RAD51AP2: variants seen among roughly 807,000 people sequenced by gnomAD.
RAD51AP2 encodes the protein RAD51 associated protein 2.
In RAD51AP2, 67 loss-of-function variants were observed where a neutral mutation model predicts 85.5. That is an observed-to-expected ratio of 0.78 (90% CI 0.64 to 0.96). The LOEUF (loss-of-function observed/expected upper bound fraction) is 0.96, where lower values mean the gene tolerates loss of function less well. Among genes scored for constraint, RAD51AP2 ranks in the 40% least tolerant of loss-of-function variants. The probability of loss-of-function intolerance (pLI) is 0.00; values close to 1 mark genes in which losing one functional copy is unlikely to be tolerated. For missense variants in RAD51AP2, 1,307 were observed against 1,332.4 expected (o/e 0.98, Z 0.30); for synonymous variants, 474 against 446.5 (o/e 1.06, Z -0.78).
At chr2:17,513,888 T>C (rs1474225216) in intron 2 of RAD51AP2, 124 bp downstream of exon 2, 1 of 624,482 alleles carries the variant, frequency 1.6e-6, no homozygotes, top group Admixed American at 3.1e-5. Flanking sequence ...TTAATGCTCT[T>C]AAAAGGTGCT....
the RAD51AP2 span, among the ~76,000 whole-genome samples, chr2:17,537,355 A>G: frequency 5.3e-4 from 80 of 152,290 alleles, 1 homozygote; most frequent in African/African-American, 1.8e-3. Flanking sequence ...CTTACGTAAT[A>G]TAATTATCTT....
chr2:17,516,403 A>C lies in RAD51AP2; in HGVS notation c.2013T>G (p.Ser671Arg). Residue 671 changes from serine (S) to arginine (R), a missense_variant, in exon 1 of 3, where the codon AGT (serine) becomes AGG (arginine). Around this residue, in one of 3 missense-constraint regions of RAD51AP2, gnomAD observed 668 missense variants for 671.0 expected, o/e 1.00. Coordinates refer to ENST00000399080, the MANE Select transcript of RAD51AP2 (RefSeq NM_001099218.3). ...GAAAACCTGTATTTTGAGTTGTCAT[A>C]CTGAAGGAATTAATGAGTTTTTTCT... ...KSKKKLINSF[S>R]MTTQNTGFPI... is the part of the protein sequence containing the mutation. 6.2e-7 allele frequency: 1 copy of C among 1,607,676 alleles called. No individual in the cohort carries two copies. Among genetic ancestry groups the C allele is most frequent in the Admixed American group, 1.7e-5 (1 of 58,794 alleles).
Position 17,516,073 on chromosome 2 carries a change from G to A in RAD51AP2, c.2343C>T (p.His781=). 6 of 1,613,312 alleles carry A rather than the reference G, an allele frequency of 3.7e-6. No individual in the cohort carries two copies. Among genetic ancestry groups the A allele is most frequent in the Non-Finnish European group, 5.1e-6 (6 of 1,179,662 alleles). The part of the protein sequence containing the change: ...HNKISNFDCE[H]IFEDLCNVRQ... ...TAACATTGCAGAGATCTTCAAATAT[G>A]TGCTCACAGTCAAAGTTACTGATCT... Residue 781 remains histidine, a synonymous_variant, in exon 1 of 3, where the codon CAC becomes CAT. Transcript: ENST00000399080.
chr2:17,529,083 A>G, the RAD51AP2 span, among the ~76,000 whole-genome samples: 95 of 152,114 alleles, frequency 6.2e-4, no homozygotes, highest in Admixed American at 6.2e-3. Context: ...TGTTATATTC[A>G]TGAAAATTAA....
At chr2:17,530,280 A>G in the RAD51AP2 span, among the ~76,000 whole-genome samples, 1 of 152,230 alleles carries the variant, frequency 6.6e-6, no homozygotes, top group East Asian at 1.9e-4. Context: ...CTCACCTGAC[A>G]GCATCAGGAA....
chr2:17,512,611 C>T (rs762897438), intron 2 of RAD51AP2, among the ~76,000 whole-genome samples: 1 of 152,164 alleles, frequency 6.6e-6, no homozygotes, highest in Non-Finnish European at 1.5e-5. Flanking sequence ...TTTATTATCA[C>T]AATTATAATC....
chr2:17,517,442 T>C lies in RAD51AP2; in HGVS notation c.974A>G (p.Lys325Arg). 1 of 1,613,892 alleles carries C rather than the reference T, an allele frequency of 6.2e-7. No homozygotes were observed. Among genetic ancestry groups the C allele is most frequent in the Middle Eastern group, 1.7e-4 (1 of 6,060 alleles). ...KTVEAENIFSKCYENDYPSLS... is the reference protein window; with the variant it reads ...KTVEAENIFSRCYENDYPSLS... ...TGATGGGTAGTCATTTTCATAACAT[T>C]TGGAAAAAATGTTTTCCGCTTCTAC... Residue 325 changes from lysine to arginine, a missense_variant, in exon 1 of 3, where the codon AAA becomes AGA. Lys to Arg is a conservative substitution (Grantham distance 26). Around this residue, in one of 3 missense-constraint regions of RAD51AP2, gnomAD observed 635 missense variants for 643.6 expected, o/e 0.99. Coordinates refer to ENST00000399080, the MANE Select transcript of RAD51AP2 (RefSeq NM_001099218.3).
At position 17,515,164 on chromosome 2, in the gene RAD51AP2, C is replaced by T. The variant is rs745386004; in HGVS notation, c.3247+5G>A. The T allele has an allele frequency of 5.8e-6, 9 of 1,547,556 alleles. No homozygotes were observed. The highest frequency in any genetic ancestry group is 5.5e-5 in the African/African-American group (4 of 72,384). Reference sequence around the variant, plus strand: ...AGAAATAATGTTCTAAAATGAATTTCATACCTTTCTCAGAAGTAGAGTAAA... The same window carrying T: ...AGAAATAATGTTCTAAAATGAATTTTATACCTTTCTCAGAAGTAGAGTAAA... On this transcript the variant is annotated splice_donor_5th_base_variant and intron_variant, in intron 1 of 2. Coordinates refer to ENST00000399080, the MANE Select transcript of RAD51AP2 (RefSeq NM_001099218.3).
At position 17,517,108 on chromosome 2, in the gene RAD51AP2, T is replaced by C; in HGVS notation, c.1308A>G (p.Leu436=). 1 of 1,612,384 alleles carries C rather than the reference T, an allele frequency of 6.2e-7. No homozygotes were observed. The highest frequency in any genetic ancestry group is 8.5e-7 in the Non-Finnish European group (1 of 1,179,206). Reference sequence around the variant, plus strand: ...CTTCCTTGCTTAAAAGGTCTATTTCTAATAATAATAGCCAATTCCATTTTT... The same window carrying C: ...CTTCCTTGCTTAAAAGGTCTATTTCCAATAATAATAGCCAATTCCATTTTT... ...TEEKWNWLLL[L]EIDLLSKEDY... The change falls in exon 1 of 3, where the codon TTA becomes TTG. Residue 436 remains leucine, a synonymous_variant. Coordinates refer to ENST00000399080, the MANE Select transcript of RAD51AP2 (RefSeq NM_001099218.3).
chr2:17,529,243 G>C, the RAD51AP2 span, among the ~76,000 whole-genome samples: 4 of 151,316 alleles, frequency 2.6e-5, no homozygotes, highest in African/African-American at 9.7e-5. Context: ...TTCATAATTT[G>C]TCAACTAATA....
rs1487468822 is a variant in RAD51AP2 at position 17,517,786 on chromosome 2, G to A, written c.630C>T (p.Asn210=). Reference sequence around the variant, plus strand: ...GCACAACACTGTTAGCTTTACATCTGTTCTTAATTTCATGAAATGGTGATT... The same window carrying A: ...GCACAACACTGTTAGCTTTACATCTATTCTTAATTTCATGAAATGGTGATT... ...ETKSPFHEIK[N]RCKANSVVPS... is the part of the protein sequence containing the mutation. Residue 210 remains asparagine (N), a synonymous_variant, in exon 1 of 3, where the codon AAC becomes AAT. Transcript: ENST00000399080. 4 of 1,613,930 alleles carry A rather than the reference G, an allele frequency of 2.5e-6. No homozygotes were observed. Among genetic ancestry groups the A allele is most frequent in the Non-Finnish European group, 3.4e-6 (4 of 1,179,854 alleles).
the RAD51AP2 span, among the ~76,000 whole-genome samples, chr2:17,537,227 C>T: frequency 4.6e-5 from 7 of 151,988 alleles, no homozygotes; most frequent in South Asian, 2.1e-4. Flanking sequence ...GAAGCTGAGG[C>T]GGGAGGATCA....
chr2:17,517,023 C>G lies in RAD51AP2; in HGVS notation c.1393G>C (p.Glu465Gln), dbSNP rs1418901550. ...YEEQSKLLVR[E>Q]ILGSQTALIT... ...AAAGCTGTCTGACTACCTAATATTT[C>G]TCTTACGAGAAGCTTTGATTGTTCT... The change falls in exon 1 of 3, where the codon GAA becomes CAA. Residue 465 changes from glutamate (E) to glutamine (Q), a missense_variant. Glu to Gln is a conservative substitution (Grantham distance 29, BLOSUM62 2). Coordinates refer to ENST00000399080, the MANE Select transcript of RAD51AP2 (RefSeq NM_001099218.3). 6.2e-7 allele frequency: 1 copy of G among 1,603,620 alleles called. No individual in the cohort carries two copies. Among genetic ancestry groups the G allele is most frequent in the East Asian group, 2.2e-5 (1 of 44,776 alleles).
At chr2:17,526,447 C>G in the RAD51AP2 span, among the ~76,000 whole-genome samples, 9 of 152,010 alleles carry the variant, frequency 5.9e-5, no homozygotes, top group Non-Finnish European at 1.2e-4. Flanking sequence ...ACACTCCAAA[C>G]TGGTAGAATA....
the RAD51AP2 span, among the ~76,000 whole-genome samples, chr2:17,527,405 T>C: frequency 6.6e-6 from 1 of 152,050 alleles, no homozygotes; most frequent in South Asian, 2.1e-4. Context: ...AAGACAATAT[T>C]TGTGTGTTTC....
intron 1 of RAD51AP2, among the ~76,000 whole-genome samples, chr2:17,514,423 A>C (rs768912405): frequency 3.9e-5 from 6 of 152,174 alleles, no homozygotes; most frequent in Non-Finnish European, 8.8e-5. Flanking sequence ...CCAACTGTAC[A>C]AGAGGAGAGT....
chr2:17,516,395 G>A lies in RAD51AP2; in HGVS notation c.2021C>T (p.Thr674Ile). Residue 674 changes from threonine (T) to isoleucine (I), a missense_variant, in exon 1 of 3, where the codon ACT becomes ATT. Physicochemically the swap from Thr to Ile is moderately conservative, Grantham distance 89. Around this residue, in one of 3 missense-constraint regions of RAD51AP2, gnomAD observed 668 missense variants for 671.0 expected, o/e 1.00. Transcript: ENST00000399080. Reference sequence around the variant, plus strand: ...AAAAATCGGAAAACCTGTATTTTGAGTTGTCATACTGAAGGAATTAATGAG... The same window carrying A: ...AAAAATCGGAAAACCTGTATTTTGAATTGTCATACTGAAGGAATTAATGAG... ...KKLINSFSMT[T>I]QNTGFPIFET... 1.2e-6 allele frequency: 2 copies of A among 1,611,234 alleles called. No individual in the cohort carries two copies. The highest frequency in any genetic ancestry group is 2.2e-5 in the South Asian group (2 of 90,282).
At chr2:17,533,513 C>A in the RAD51AP2 span, among the ~76,000 whole-genome samples, 1 of 152,322 alleles carries the variant, frequency 6.6e-6, no homozygotes, top group Non-Finnish European at 1.5e-5. Context: ...TTTTCTGGTT[C>A]AAGTGTTTAT....
upstream of RAD51AP2, among the ~76,000 whole-genome samples, chr2:17,520,050 A>G (rs1439481554): frequency 6.6e-6 from 1 of 151,996 alleles, no homozygotes; most frequent in Non-Finnish European, 1.5e-5. Context: ...TTATATCTCC[A>G]TCACATCATT....
Sources: allele counts gnomAD v4.1 joint callset (sites outside exome capture counted in the v4.1 genomes callset), GRCh38; gene constraint gnomAD v4.1.1; regional missense constraint gnomAD v4.1.1; transcripts MANE v1.5; gene names NCBI Gene and HGNC (gene_info 2026-07-23, HGNC 2026-07-21).